PARVA: variants seen among roughly 807,000 people sequenced by gnomAD.
The protein encoded by PARVA is parvin alpha.
PARVA carries 25 observed loss-of-function variants against 52.6 expected under a neutral mutation model. That is an observed-to-expected ratio of 0.48 (90% CI 0.35 to 0.66). PARVA has a LOEUF of 0.66. PARVA is among the 30% of genes least tolerant of loss of function. PARVA has a pLI of 0.01. For synonymous variants in PARVA, 185 were observed against 179.1 expected (o/e 1.03, Z -0.26); for missense variants, 373 against 450.9 (o/e 0.83, Z 1.56).
At chr11:12,526,942 AAGGG>A (rs1361831291) in intron 12 of PARVA, among the ~76,000 whole-genome samples, 1 of 151,950 alleles carries the variant, frequency 6.6e-6, no homozygotes, top group Non-Finnish European at 1.5e-5. Flanking sequence ...TAGATGGATG[AAGGG>A]AGGAAGGGCT....
At chr11:12,413,308 A>G (rs1187473206) in intron 1 of PARVA, among the ~76,000 whole-genome samples, 1 of 152,228 alleles carries the variant, frequency 6.6e-6, no homozygotes, top group Non-Finnish European at 1.5e-5. Context: ...CCTCAAAAGG[A>G]TATAAAATAG....
At chr11:12,448,923 T>C (rs1056492312) in intron 1 of PARVA, among the ~76,000 whole-genome samples, 1 of 152,216 alleles carries the variant, frequency 6.6e-6, no homozygotes, top group Non-Finnish European at 1.5e-5. Flanking sequence ...TCTCTGTCTG[T>C]TATCTCTTCC....
At chr11:12,405,660 C>A (rs1939893671) in intron 1 of PARVA, among the ~76,000 whole-genome samples, 1 of 152,022 alleles carries the variant, frequency 6.6e-6, no homozygotes, top group Non-Finnish European at 1.5e-5. Flanking sequence ...TCTAATATTG[C>A]AATAATAGAA....
intron 12 of PARVA, 39 bp downstream of exon 12, chr11:12,518,556 G>A: frequency 7.0e-7 from 1 of 1,438,140 alleles, no homozygotes; most frequent in East Asian, 2.3e-5. Flanking sequence ...AACAGAGTGA[G>A]ACCCTCTCCC....
At chr11:12,505,324 C>T (rs892695111) in intron 6 of PARVA, among the ~76,000 whole-genome samples, 3 of 152,108 alleles carry the variant, frequency 2.0e-5, no homozygotes, top group Non-Finnish European at 4.4e-5. Flanking sequence ...AAGAAAAAGC[C>T]TTGAGGGCTG....
At chr11:12,469,738 A>T (rs1940906521) in intron 1 of PARVA, among the ~76,000 whole-genome samples, 1 of 152,248 alleles carries the variant, frequency 6.6e-6, no homozygotes, top group Admixed American at 6.5e-5. Context: ...TTCCTGAAAA[A>T]AACATTTCCA....
intron 1 of PARVA, among the ~76,000 whole-genome samples, chr11:12,421,977 C>T (rs1342178395): frequency 6.6e-6 from 1 of 152,224 alleles, no homozygotes; most frequent in Non-Finnish European, 1.5e-5. Flanking sequence ...CCAGTTATTG[C>T]TGCTTTAACT....
chr11:12,396,572 G>T (rs918402492), intron 1 of PARVA, among the ~76,000 whole-genome samples: 5 of 152,188 alleles, frequency 3.3e-5, no homozygotes, highest in African/African-American at 1.2e-4. Flanking sequence ...TCTTGAAGAT[G>T]AAAGGAATTG....
chr11:12,455,308 G>T (rs1349054738), intron 1 of PARVA, among the ~76,000 whole-genome samples: 1 of 152,128 alleles, frequency 6.6e-6, no homozygotes, highest in Non-Finnish European at 1.5e-5. Flanking sequence ...TTAAGTATTT[G>T]ACCAGCCAGA....
chr11:12,433,573 C>T (rs1039503595), intron 1 of PARVA, among the ~76,000 whole-genome samples: 3 of 152,152 alleles, frequency 2.0e-5, no homozygotes, highest in Non-Finnish European at 4.4e-5. Context: ...AGAGGCATTT[C>T]ATAGAAGCAC....
chr11:12,439,764 C>A (rs963785217), intron 1 of PARVA, among the ~76,000 whole-genome samples: 1 of 152,200 alleles, frequency 6.6e-6, no homozygotes, highest in African/African-American at 2.4e-5. Context: ...CCTTCTTGTT[C>A]CCTACAGGAG....
intron 5 of PARVA, among the ~76,000 whole-genome samples, chr11:12,503,975 G>A (rs114056537): frequency 3.6e-4 from 55 of 152,268 alleles, no homozygotes; most frequent in African/African-American, 1.3e-3. Flanking sequence ...GGCAAAGTGG[G>A]AACAGGCACT....
At chr11:12,420,706 G>A (rs905979001) in intron 1 of PARVA, among the ~76,000 whole-genome samples, 6 of 152,176 alleles carry the variant, frequency 3.9e-5, no homozygotes, top group Non-Finnish European at 8.8e-5. Flanking sequence ...GCCAAACACT[G>A]TTCTAAGCAC....
chr11:12,439,753 G>A (rs1174132980), intron 1 of PARVA, among the ~76,000 whole-genome samples: 5 of 152,074 alleles, frequency 3.3e-5, no homozygotes, highest in Non-Finnish European at 5.9e-5. Context: ...AGCTGCCCTG[G>A]CCTTCTTGTT....
chr11:12,395,470 C>T (rs77432941), intron 1 of PARVA, among the ~76,000 whole-genome samples: 4,530 of 152,198 alleles, frequency 0.03, 216 homozygotes, highest in African/African-American at 0.1. Context: ...AGATGAGCGC[C>T]GGAGCCTCTA....
intron 1 of PARVA, among the ~76,000 whole-genome samples, chr11:12,404,688 G>T (rs1394299113): frequency 6.6e-6 from 1 of 152,216 alleles, no homozygotes; most frequent in East Asian, 1.9e-4. Flanking sequence ...AGGGTAGCGC[G>T]GGTGGCCCTG....
At chr11:12,471,754 C>T (rs1440299553) in intron 1 of PARVA, among the ~76,000 whole-genome samples, 8 of 152,204 alleles carry the variant, frequency 5.3e-5, no homozygotes, top group African/African-American at 1.7e-4. Flanking sequence ...GGTGCAGCTA[C>T]GGAGCGGAAT....
intron 5 of PARVA, among the ~76,000 whole-genome samples, chr11:12,498,209 G>A (rs12807069): frequency 0.34 from 51,641 of 151,606 alleles, 10,019 homozygotes; most frequent in Middle Eastern, 0.46. Flanking sequence ...AATTTCTTTT[G>A]TATTTTACTA....
chr11:12,473,971 A>C lies in PARVA; in HGVS notation c.285A>C (p.Gln95His), dbSNP rs773207205. Residue 95 changes from glutamine (Q) to histidine (H), a missense_variant, in exon 3 of 13, where the codon CAA (glutamine) becomes CAC (histidine). By Grantham distance (24) the Gln-to-His change is conservative. Coordinates refer to ENST00000334956, the MANE Select transcript of PARVA (RefSeq NM_018222.5). The part of the protein sequence containing the change: ...DPNSRSDPKL[Q>H]ELMKVLIDWI... ...ACTCACGCAGTGACCCCAAGCTTCAAGAACTGATGAAGGTAAGAAGAAATC... is the reference window on the plus strand; with the variant it reads ...ACTCACGCAGTGACCCCAAGCTTCACGAACTGATGAAGGTAAGAAGAAATC... 4.4e-6 allele frequency: 7 copies of C among 1,577,512 alleles called. No individual in the cohort carries two copies. The South Asian group carries it at 8.2e-5, about 18-fold the overall frequency.
Sources: allele counts gnomAD v4.1 joint callset (sites outside exome capture counted in the v4.1 genomes callset), GRCh38; gene constraint gnomAD v4.1.1; transcripts MANE v1.5; gene names NCBI Gene and HGNC (gene_info 2026-07-23, HGNC 2026-07-21).